ATP1A2: variants seen among roughly 807,000 people sequenced by gnomAD.
ATP1A2 encodes ATPase Na+/K+ transporting subunit alpha 2.
A neutral mutation model predicts 113.1 loss-of-function variants in ATP1A2; 56 were observed. That is an observed-to-expected ratio of 0.49 (90% CI 0.40 to 0.62). The LOEUF (loss-of-function observed/expected upper bound fraction) is 0.62, where lower values mean the gene tolerates loss of function less well. Among genes scored for constraint, ATP1A2 ranks in the 20% least tolerant of loss-of-function variants. The pLI is 0.00. For missense variants in ATP1A2, 712 were observed against 1,357.8 expected, an observed-to-expected ratio of 0.52 and a Z score of 7.47; for synonymous variants, 490 against 526.8, an observed-to-expected ratio of 0.93 and a Z score of 0.96.
At position 160,121,271 on chromosome 1, in the gene ATP1A2, G is replaced by A. The variant is rs1475100565; in HGVS notation, c.177+20G>A. 6.2e-6 allele frequency: 10 copies of A among 1,614,032 alleles called. No individual in the cohort carries two copies. Among genetic ancestry groups the A allele is most frequent in the Non-Finnish European group, 8.5e-6 (10 of 1,179,910 alleles). On this transcript the variant is annotated intron_variant, in intron 3 of 22. Coordinates refer to ENST00000361216, the MANE Select transcript of ATP1A2 (RefSeq NM_000702.4). The stretch of plus-strand genomic sequence containing the variant: ...TCCAAGGTGAGTGGAGGGGCTTCTA[G>A]GGAAGGAACAAAAGAGGCAAGAAAA...
rs916529142 is a variant in ATP1A2 at position 160,127,676 on chromosome 1, G to A, written c.873G>A (p.Gln291=). 6.2e-7 allele frequency: 1 copy of A among 1,614,128 alleles called. No individual in the cohort carries two copies. The highest frequency in any genetic ancestry group is 1.3e-5 in the African/African-American group (1 of 74,942). Residue 291 remains glutamine (Q), a synonymous_variant, in exon 8 of 23, where the codon CAG becomes CAA. Coordinates refer to ENST00000361216, the MANE Select transcript of ATP1A2 (RefSeq NM_000702.4). The part of the protein sequence containing the change: ...PIAMEIEHFI[Q]LITGVAVFLG... ...CAATGGAGATTGAACACTTCATCCA[G>A]CTGATCACAGGGGTCGCTGTATTCC... is the stretch of plus-strand genomic sequence containing the variant.
chr1:160,128,832 A>G lies in ATP1A2; in HGVS notation c.1198A>G (p.Thr400Ala). 6.2e-7 allele frequency: 1 copy of G among 1,614,154 alleles called. No homozygotes were observed. Among genetic ancestry groups the G allele is most frequent in the Non-Finnish European group, 8.5e-7 (1 of 1,180,016 alleles). The change falls in exon 9 of 23, where the codon ACC becomes GCC. Residue 400 changes from threonine (T) to alanine (A), a missense_variant. Coordinates refer to ENST00000361216, the MANE Select transcript of ATP1A2 (RefSeq NM_000702.4). ...CGACAACCAAATCCATGAGGCTGAC[A>G]CCACCGAAGATCAGTCTGGTGATTG... ...WFDNQIHEAD[T>A]TEDQSGATFD...
chr1:160,116,958 T>C (rs1164515054), intron 1 of ATP1A2, among the ~76,000 whole-genome samples: 1 of 151,802 alleles, frequency 6.6e-6, no homozygotes, highest in Non-Finnish European at 1.5e-5. Flanking sequence ...TGTCTGTGTC[T>C]GTGTGTGTGT....
chr1:160,141,708 T>TCTCAGATCA lies in ATP1A2; in HGVS notation c.*388_*396dup. The stretch of plus-strand genomic sequence containing the variant: ...ACCCATCTAAACCAGAAGGAAGCCC[T>TCTCAGATCA]CTCAGATCACCCCAGCCTCACTCCA... On this transcript the variant is annotated 3_prime_UTR_variant, in exon 23 of 23. Transcript: ENST00000361216. 3.2e-6 allele frequency: 1 copy of TCTCAGATCA among 313,870 alleles called. No individual in the cohort carries two copies. Among genetic ancestry groups the TCTCAGATCA allele is most frequent in the Non-Finnish European group, 6.2e-6 (1 of 160,192 alleles). 19.4% of individuals were successfully genotyped at this position (313,870 alleles called of 1,614,324 possible).
chr1:160,139,727 C>T lies in ATP1A2; in HGVS notation c.2928C>T (p.Arg976=). 6.2e-7 allele frequency: 1 copy of T among 1,614,230 alleles called. No homozygotes were observed. Among genetic ancestry groups the T allele is most frequent in the Non-Finnish European group, 8.5e-7 (1 of 1,180,026 alleles). ...GCCCAGGCATGGGTGTAGCCCTCCG[C>T]ATGTACCCGCTCAAGTGAGTGTCTC... ...SYCPGMGVAL[R]MYPLKVTWWF... is the part of the protein sequence containing the mutation. Residue 976 remains arginine (R), a synonymous_variant, in exon 21 of 23, where the codon CGC becomes CGT. Transcript: ENST00000361216.
At chr1:160,116,843 T>C (rs1356752811) in intron 1 of ATP1A2, among the ~76,000 whole-genome samples, 1 of 152,110 alleles carries the variant, frequency 6.6e-6, no homozygotes, top group African/African-American at 2.4e-5. Context: ...AAGGACATGT[T>C]ATTGCACCTA....
chr1:160,139,445 G>A (rs1194785458), intron 20 of ATP1A2, among the ~76,000 whole-genome samples, 195 bp from the exon 21 acceptor site: 5 of 152,212 alleles, frequency 3.3e-5, no homozygotes, highest in South Asian at 2.1e-4. Flanking sequence ...ACATTCGGAC[G>A]TAAACTCAGT....
Position 160,139,658 on chromosome 1 carries a change from T to G in ATP1A2, c.2859T>G (p.Phe953Leu), listed in dbSNP as rs1652069624. The stretch of plus-strand genomic sequence containing the variant: ...CTTTCAGGAACAAGATCCTGATTTT[T>G]GGGCTCCTGGAGGAGACGGCGTTGG... Reference protein sequence around the residue: ...QQGMKNKILIFGLLEETALAA... With the variant: ...QQGMKNKILILGLLEETALAA... The change falls in exon 21 of 23, where the codon TTT becomes TTG. Residue 953 changes from phenylalanine (F) to leucine (L), a missense_variant. Phe to Leu is a conservative substitution (Grantham distance 22). This residue lies in a region of ATP1A2 where 188 missense variants were observed against 438.9 expected (regional missense o/e 0.43). Coordinates refer to ENST00000361216, the MANE Select transcript of ATP1A2 (RefSeq NM_000702.4). 6.2e-7 allele frequency: 1 copy of G among 1,614,194 alleles called. No individual in the cohort carries two copies. The highest frequency in any genetic ancestry group is 8.5e-7 in the Non-Finnish European group (1 of 1,180,028).
rs537371574 is a variant in ATP1A2, at chr1:160,134,808, C to T, written c.1964+188C>T. Among the ~76,000 whole-genome samples, 18 of 152,328 alleles carry T rather than the reference C, an allele frequency of 1.2e-4. No individual in the cohort carries two copies. In the East Asian group the frequency reaches 1.9e-3, roughly 16 times the overall value. ...GCTGTGCCACTGAATACCCATGTAA[C>T]CTTGGAGATGTCACATTCCCTTCCT... On this transcript the variant is annotated intron_variant, in intron 14 of 22. Coordinates refer to ENST00000361216, the MANE Select transcript of ATP1A2 (RefSeq NM_000702.4).
chr1:160,123,402 C>T lies in ATP1A2; in HGVS notation c.367C>T (p.Pro123Ser). The change falls in exon 4 of 23, where the codon CCA (proline) becomes TCA (serine). Residue 123 changes from proline to serine, a missense_variant. Coordinates refer to ENST00000361216, the MANE Select transcript of ATP1A2 (RefSeq NM_000702.4). ...YGIQAAMEDE[P>S]SNDNLYLGVV... The stretch of plus-strand genomic sequence containing the variant: ...CATCCAGGCTGCCATGGAGGATGAA[C>T]CATCCAACGACAATGTGAGCCCACA... The T allele has an allele frequency of 6.2e-7, 1 of 1,614,160 alleles. No homozygotes were observed. The highest frequency in any genetic ancestry group is 8.5e-7 in the Non-Finnish European group (1 of 1,180,038).
In ATP1A2 at chr1:160,139,724, C is replaced by G. The variant is rs954480042; in HGVS notation, c.2925C>G (p.Leu975=). 6.2e-7 allele frequency: 1 copy of G among 1,614,232 alleles called. No homozygotes were observed. Among genetic ancestry groups the G allele is most frequent in the Non-Finnish European group, 8.5e-7 (1 of 1,180,036 alleles). The stretch of plus-strand genomic sequence containing the variant: ...ACTGCCCAGGCATGGGTGTAGCCCT[C>G]CGCATGTACCCGCTCAAGTGAGTGT... ...LSYCPGMGVA[L]RMYPLKVTWW... Residue 975 remains leucine, a synonymous_variant, in exon 21 of 23, where the codon CTC becomes CTG. Transcript: ENST00000361216.
chr1:160,125,047 T>C (rs1651540735), intron 6 of ATP1A2, 89 bp from the exon 7 acceptor site: 3 of 996,482 alleles, frequency 3.0e-6, no homozygotes, highest in Admixed American at 1.7e-5. Flanking sequence ...GTCATGAAGA[T>C]TGAGTGTGGT....
intron 10 of ATP1A2, 27 bp downstream of exon 10, chr1:160,129,116 A>G (rs1279974535): frequency 6.4e-7 from 1 of 1,570,108 alleles, no homozygotes. Context: ...CACACCAGGT[A>G]TGTTTTGGGG....
chr1:160,131,176 T>C (rs1268670396), intron 13 of ATP1A2, among the ~76,000 whole-genome samples: 3 of 152,140 alleles, frequency 2.0e-5, no homozygotes, highest in African/African-American at 7.2e-5. Flanking sequence ...GCCTGATACA[T>C]AGTAAACAAT....
chr1:160,124,273 G>T, intron 5 of ATP1A2, 23 bp from the exon 6 acceptor site: 1 of 1,584,358 alleles, frequency 6.3e-7, no homozygotes, highest in Non-Finnish European at 8.6e-7. Context: ...AGCATTTCAT[G>T]AGCTGCCTGT....
intron 22 of ATP1A2, 22 bp downstream of exon 22, chr1:160,140,006 C>A (rs1263127797): frequency 1.9e-6 from 3 of 1,610,546 alleles, no homozygotes; most frequent in Admixed American, 3.3e-5. Flanking sequence ...CACATTCCCC[C>A]CAGCAAAGTG....
intron 22 of ATP1A2, among the ~76,000 whole-genome samples, chr1:160,140,991 T>C (rs1203287073): frequency 6.6e-6 from 1 of 151,388 alleles, no homozygotes; most frequent in Non-Finnish European, 1.5e-5. Flanking sequence ...GCCTCCAGAG[T>C]AGCTGGGATT....
At chr1:160,118,968 G>A (rs1050078340) in intron 1 of ATP1A2, among the ~76,000 whole-genome samples, 44 of 151,952 alleles carry the variant, frequency 2.9e-4, no homozygotes, top group Admixed American at 2.0e-4. Context: ...GCGGATACAC[G>A]TCAGTATACA....
At chr1:160,138,264 A>G (rs542097310) in intron 20 of ATP1A2, among the ~76,000 whole-genome samples, 2 of 152,358 alleles carry the variant, frequency 1.3e-5, no homozygotes, top group Admixed American at 6.5e-5. Context: ...GCACTCACCT[A>G]TGCGAAGGCA....
Sources: allele counts gnomAD v4.1 joint callset (sites outside exome capture counted in the v4.1 genomes callset), GRCh38; gene constraint gnomAD v4.1.1; regional missense constraint gnomAD v4.1.1; transcripts MANE v1.5; gene names NCBI Gene and HGNC (gene_info 2026-07-23, HGNC 2026-07-21).